Variants in NRG1 observed in about 807,000 individuals in gnomAD.
The protein encoded by NRG1 is neuregulin 1.
Under a neutral mutation model 63.8 loss-of-function variants are expected in NRG1, and 18 were observed. The ratio of observed to expected loss-of-function variants is 0.28; its 90% confidence interval spans 0.19 to 0.42. NRG1 has a LOEUF of 0.42. NRG1 is among the 10% of genes least tolerant of loss of function. NRG1 has a pLI of 1.00. For synonymous variants in NRG1, 302 were observed against 301.3 expected (o/e 1.00, Z -0.02); for missense variants, 762 against 814.7 (o/e 0.94, Z 0.79).
At chr8:31,651,686 G>T (rs921631260) in intron 1 of NRG1, among the ~76,000 whole-genome samples, 1 of 152,126 alleles carries the variant, frequency 6.6e-6, no homozygotes, top group African/African-American at 2.4e-5. Flanking sequence ...TGTCAAATGG[G>T]AATAATTTGA....
chr8:32,265,566 G>C (rs939880457), intron 1 of NRG1, among the ~76,000 whole-genome samples: 1 of 152,026 alleles, frequency 6.6e-6, no homozygotes, highest in African/African-American at 2.4e-5. Context: ...AGGCTGGGTG[G>C]GTGCAATAGC....
chr8:32,374,563 C>A (rs1300480272), intron 1 of NRG1, among the ~76,000 whole-genome samples: 2 of 152,142 alleles, frequency 1.3e-5, no homozygotes, highest in African/African-American at 4.8e-5. Flanking sequence ...AAATAAATGA[C>A]TGTGAAGTCC....
At chr8:31,865,058 C>A (rs118107370) in intron 1 of NRG1, among the ~76,000 whole-genome samples, 1 of 152,158 alleles carries the variant, frequency 6.6e-6, no homozygotes. Flanking sequence ...CAGAGGCTAA[C>A]GAACGCTCCT....
chr8:32,506,805 A>T (rs1828587401), intron 1 of NRG1, among the ~76,000 whole-genome samples: 1 of 152,082 alleles, frequency 6.6e-6, no homozygotes, highest in Non-Finnish European at 1.5e-5. Flanking sequence ...ACTTGAGTCC[A>T]GAAGTTCGAG....
At chr8:32,191,043 A>G (rs760207108) in intron 1 of NRG1, among the ~76,000 whole-genome samples, 17 of 152,148 alleles carry the variant, frequency 1.1e-4, no homozygotes, top group Non-Finnish European at 2.1e-4. Flanking sequence ...CACTGTGCAA[A>G]CAATTCTTGA....
intron 1 of NRG1, among the ~76,000 whole-genome samples, chr8:32,456,481 C>T (rs1170906083): frequency 1.3e-5 from 2 of 152,292 alleles, no homozygotes; most frequent in East Asian, 3.9e-4. Flanking sequence ...AAGACCAAGC[C>T]CTCCTCCATA....
exon 1 of NRG1, chr8:32,548,806 C>T (rs1443353672): frequency 1.3e-6 from 2 of 1,575,972 alleles, no homozygotes; most frequent in East Asian, 2.3e-5. Flanking sequence ...CCGGAGTCCG[C>T]GGCGGGCAGC....
chr8:31,671,167 A>G (rs533222836), intron 1 of NRG1, among the ~76,000 whole-genome samples: 2 of 152,242 alleles, frequency 1.3e-5, no homozygotes, highest in East Asian at 1.9e-4. Flanking sequence ...AAGGAACTCA[A>G]ATCAACAAAC....
At chr8:31,670,599 C>T (rs1315288161) in intron 1 of NRG1, among the ~76,000 whole-genome samples, 1 of 150,436 alleles carries the variant, frequency 6.6e-6, no homozygotes, top group Admixed American at 6.6e-5. Flanking sequence ...AATAAACCTT[C>T]TGACAGAGAT....
chr8:32,563,828 T>G (rs1836911470), intron 1 of NRG1, among the ~76,000 whole-genome samples: 1 of 152,206 alleles, frequency 6.6e-6, no homozygotes, highest in Non-Finnish European at 1.5e-5. Flanking sequence ...TTCAACCTTG[T>G]TGATCATCTT....
In NRG1 at chr8:32,548,696, C is replaced by A. The variant is rs372321801; in HGVS notation, c.-31C>A. ...GACCAAACTCGCCTGCGCCGAGAGCCGTCCGCGTAGAGCGCTCCGTCTCCG... is the reference window on the plus strand; with the variant it reads ...GACCAAACTCGCCTGCGCCGAGAGCAGTCCGCGTAGAGCGCTCCGTCTCCG... On this transcript the variant is annotated 5_prime_UTR_variant, in exon 1 of 12. Coordinates refer to ENST00000356819, the Ensembl canonical transcript of NRG1. 9 of 1,557,810 alleles carry A rather than the reference C, an allele frequency of 5.8e-6. No homozygotes were observed. In the African/African-American group the frequency reaches 9.5e-5, roughly 16 times the overall value.
chr8:32,038,773 G>T (rs999618411), intron 1 of NRG1, among the ~76,000 whole-genome samples: 1 of 152,006 alleles, frequency 6.6e-6, no homozygotes, highest in East Asian at 1.9e-4. Flanking sequence ...AAGCAGTCAG[G>T]CTTGCAGAGA....
At chr8:31,946,345 C>G (rs1802532374) in intron 1 of NRG1, among the ~76,000 whole-genome samples, 1 of 152,144 alleles carries the variant, frequency 6.6e-6, no homozygotes, top group South Asian at 2.1e-4. Flanking sequence ...AAGAGATAGA[C>G]TCAGAATCTC....
At chr8:32,706,016 G>C (rs1816311220) in intron 5 of NRG1, among the ~76,000 whole-genome samples, 1 of 152,160 alleles carries the variant, frequency 6.6e-6, no homozygotes, top group South Asian at 2.1e-4. Flanking sequence ...TAGACACCTA[G>C]ATCTAAAGGA....
chr8:32,581,184 G>A (rs972510703), intron 1 of NRG1, among the ~76,000 whole-genome samples: 1 of 152,174 alleles, frequency 6.6e-6, no homozygotes. Context: ...TGTAACTGAT[G>A]CACAATGATA....
chr8:32,614,475 G>A (rs922361343), intron 3 of NRG1, 39 bp from the exon 4 acceptor site: 27 of 1,605,856 alleles, frequency 1.7e-5, no homozygotes, highest in Non-Finnish European at 2.0e-5. Context: ...CCGGCCTCCT[G>A]TTTATATATC....
At chr8:32,563,133 T>G (rs1009861852) in intron 1 of NRG1, among the ~76,000 whole-genome samples, 2 of 152,206 alleles carry the variant, frequency 1.3e-5, no homozygotes, top group Non-Finnish European at 2.9e-5. Flanking sequence ...TTGTGATTAT[T>G]TTTTCCAGTT....
intron 1 of NRG1, among the ~76,000 whole-genome samples, chr8:31,976,656 G>A (rs932251939): frequency 7.1e-6 from 1 of 141,768 alleles, no homozygotes; most frequent in Non-Finnish European, 1.5e-5. Flanking sequence ...GTGAGGATCT[G>A]CCATGGGTGT....
At chr8:32,395,478 C>T (rs920753178) in intron 1 of NRG1, among the ~76,000 whole-genome samples, 10 of 152,112 alleles carry the variant, frequency 6.6e-5, no homozygotes, top group South Asian at 2.1e-4. Flanking sequence ...ATTTGCATTT[C>T]GCTAGTGACT....
Sources: allele counts gnomAD v4.1 joint callset (sites outside exome capture counted in the v4.1 genomes callset), GRCh38; gene constraint gnomAD v4.1.1; transcripts MANE v1.5; gene names NCBI Gene and HGNC (gene_info 2026-07-23, HGNC 2026-07-21).